Variants in MYCBPAP observed in about 807,000 individuals in gnomAD.
The protein encoded by MYCBPAP is MYCBP-associated protein.
In MYCBPAP, 60 loss-of-function variants were observed where a neutral mutation model predicts 106.1. The ratio of observed to expected loss-of-function variants is 0.57; its 90% CI spans 0.46 to 0.70. MYCBPAP has a LOEUF of 0.70. Among genes scored for constraint, MYCBPAP ranks in the 30% least tolerant of loss-of-function variants. MYCBPAP has a pLI of 0.00. For synonymous variants in MYCBPAP, 407 were observed against 440.6 expected, an observed-to-expected ratio of 0.92 and a Z score of 0.95; for missense variants, 1,064 against 1,169.3, an observed-to-expected ratio of 0.91 and a Z score of 1.31.
intron 1 of MYCBPAP, chr17:50,510,318 G>A (rs1478235483): frequency 6.6e-6 from 1 of 151,646 alleles, no homozygotes; most frequent in Non-Finnish European, 1.5e-5. Flanking sequence ...TCCAGGCCAG[G>A]AGTTTATGAT....
intron 10 of MYCBPAP, 181 bp downstream of exon 10, chr17:50,522,262 T>A: frequency 3.8e-6 from 2 of 529,360 alleles, no homozygotes; most frequent in Non-Finnish European, 6.9e-6. Context: ...ATCACAAGGC[T>A]GCGAGTGTCA....
At position 50,523,689 on chromosome 17, in the gene MYCBPAP, C is replaced by A; in HGVS notation, c.1540C>A (p.His514Asn). The change falls in exon 12 of 19, where the codon CAT (histidine) becomes AAT (asparagine). Residue 514 changes from histidine to asparagine, a missense_variant. By Grantham distance (68) the His-to-Asn change is moderately conservative. Coordinates refer to ENST00000323776, the MANE Select transcript of MYCBPAP (RefSeq NM_032133.6). ...CAGGGAATTTTGGGAGTTTCGAACCCATCCTACTCTATTAGGAGGTGCTAT... is the reference window on the plus strand; with the variant it reads ...CAGGGAATTTTGGGAGTTTCGAACCAATCCTACTCTATTAGGAGGTGCTAT... ...VFREFWEFRTHPTLLGGAILQ... is the reference protein window; with the variant it reads ...VFREFWEFRTNPTLLGGAILQ... The A allele has an allele frequency of 1.2e-6, 2 of 1,614,198 alleles. No individual in the cohort carries two copies. The highest frequency in any genetic ancestry group is 1.3e-5 in the African/African-American group (1 of 75,048).
chr17:50,523,408 C>T (rs1302125432), intron 11 of MYCBPAP, among the ~76,000 whole-genome samples, 189 bp from the exon 12 acceptor site: 1 of 152,132 alleles, frequency 6.6e-6, no homozygotes, highest in African/African-American at 2.4e-5. Context: ...GGATGGCCAG[C>T]TGTCTCTGTT....
chr17:50,512,052 T>A (rs957001043), intron 1 of MYCBPAP, among the ~76,000 whole-genome samples: 7 of 125,810 alleles, frequency 5.6e-5, no homozygotes, highest in Non-Finnish European at 1.1e-4. Context: ...CAGCAAGTTT[T>A]CTTTTTTTTT....
chr17:50,528,573 C>T (rs2034532523), intron 16 of MYCBPAP, 122 bp from the exon 17 acceptor site: 4 of 1,329,598 alleles, frequency 3.0e-6, no homozygotes, highest in Non-Finnish European at 4.1e-6. Context: ...AGCCACGCGC[C>T]TACCAGGGCT....
Position 50,523,613 on chromosome 17 carries a change from A to C in MYCBPAP, c.1464A>C (p.Gly488=). 6.2e-7 allele frequency: 1 copy of C among 1,614,212 alleles called. No homozygotes were observed. The highest frequency in any genetic ancestry group is 8.5e-7 in the Non-Finnish European group (1 of 1,180,050). ...FDNREGVILP[G]EIKTFTFFFK... is the part of the protein sequence containing the mutation. ...CCCTCTCAGGTGTGATTCTGCCTGG[A>C]GAAATTAAAACATTTACCTTCTTCT... Residue 488 remains glycine (G), a synonymous_variant, in exon 12 of 19, where the codon GGA becomes GGC. Transcript: ENST00000323776.
rs1252588175 is a variant in MYCBPAP at position 50,522,050 on chromosome 17, G to T, written c.1226G>T (p.Cys409Phe). The T allele has an allele frequency of 6.2e-7, 1 of 1,613,998 alleles. No homozygotes were observed. Among genetic ancestry groups the T allele is most frequent in the Admixed American group, 1.7e-5 (1 of 60,024 alleles). Residue 409 changes from cysteine (C) to phenylalanine (F), a missense_variant, in exon 10 of 19, where the codon TGC becomes TTC. Physicochemically the swap from Cys to Phe is radical, Grantham distance 205. Transcript: ENST00000323776. The stretch of plus-strand genomic sequence containing the variant: ...CTGCTGTTCTGTGGGAAGCCAGCTT[G>T]CTGGATCAGAGGCAGTAATCCACAG... ...PSLLFCGKPA[C>F]WIRGSNPQDK...
intron 9 of MYCBPAP, 28 bp from the exon 10 acceptor site, chr17:50,521,945 G>T (rs2034273718): frequency 1.9e-6 from 3 of 1,605,640 alleles, no homozygotes; most frequent in African/African-American, 2.7e-5. Context: ...CAGCCTAAGA[G>T]AAAATAAGTC....
At position 50,518,069 on chromosome 17, in the gene MYCBPAP, C is replaced by T. The variant is rs145852439; in HGVS notation, c.468+371C>T. Among the ~76,000 whole-genome samples, 1,262 of 152,362 alleles carry T rather than the reference C, an allele frequency of 8.3e-3. 14 individuals are homozygous for T. Among genetic ancestry groups the T allele is most frequent in the African/African-American group, 0.029 (1,197 of 41,578 alleles). The stretch of plus-strand genomic sequence containing the variant: ...TGGAGACTGGCCTGCCCTCCTCAGT[C>T]CACGTGGTGGAGGAAGGTGGCTTCC... On this transcript the variant is annotated intron_variant, in intron 4 of 18. Transcript: ENST00000323776.
At chr17:50,508,909 G>C in intron 1 of MYCBPAP, 159 bp downstream of exon 1, 1 of 763,980 alleles carries the variant, frequency 1.3e-6, no homozygotes, top group South Asian at 1.5e-5. Flanking sequence ...TTAGGGATGG[G>C]GGGCAAGGCA....
intron 1 of MYCBPAP, chr17:50,509,855 C>A (rs1360207515): frequency 6.6e-6 from 1 of 152,178 alleles, no homozygotes; most frequent in African/African-American, 2.4e-5. Context: ...GATGTAGGTG[C>A]CCATCGGGCT....
intron 1 of MYCBPAP, chr17:50,509,151 T>A (rs2033729461): frequency 1.4e-6 from 1 of 702,604 alleles, no homozygotes; most frequent in South Asian, 1.5e-5. Context: ...GAGGAAAGAA[T>A]GAAGTGTTGA....
At chr17:50,526,324 A>G in intron 14 of MYCBPAP, 57 bp downstream of exon 14, 1 of 1,510,864 alleles carries the variant, frequency 6.6e-7, no homozygotes, top group Non-Finnish European at 8.8e-7. Context: ...CGAACCAACA[A>G]GGGAGGACCC....
In MYCBPAP at chr17:50,524,934, C is replaced by G. The variant is rs376497023; in HGVS notation, c.1693C>G (p.Leu565Val). 1.9e-4 allele frequency: 308 copies of G among 1,613,946 alleles called. No homozygotes were observed. The highest frequency in any genetic ancestry group is 2.4e-4 in the Non-Finnish European group (286 of 1,180,036). Residue 565 changes from leucine to valine, a missense_variant, in exon 13 of 19, where the codon CTG becomes GTG. Coordinates refer to ENST00000323776, the MANE Select transcript of MYCBPAP (RefSeq NM_032133.6). ...CGTTCGCGAAGTGCTGCAGGAGCTG[C>G]TGATGGGGGTCTTGACCCCGGAGCG... ...TVVREVLQEL[L>V]MGVLTPERTP...
chr17:50,529,764 G>C (rs750208131), intron 18 of MYCBPAP: 2 of 456,714 alleles, frequency 4.4e-6, no homozygotes, highest in South Asian at 1.5e-5. Context: ...CTCCCCGTTA[G>C]GTGCATCCTG....
At chr17:50,529,347 G>C (rs919700298) in intron 18 of MYCBPAP, 159 bp downstream of exon 18, 16 of 665,268 alleles carry the variant, frequency 2.4e-5, no homozygotes, top group Middle Eastern at 4.1e-4. Flanking sequence ...AATAAGGAAT[G>C]CGCCTAGCAT....
At position 50,516,558 on chromosome 17, in the gene MYCBPAP, GCTT is replaced by G. The variant is rs764199615; in HGVS notation, c.77-9_77-7del. 2.7e-5 allele frequency: 43 copies of G among 1,612,372 alleles called. No homozygotes were observed. Among genetic ancestry groups the G allele is most frequent in the Non-Finnish European group, 3.5e-5 (41 of 1,179,590 alleles). On this transcript the variant is annotated splice_polypyrimidine_tract_variant and intron_variant, in intron 1 of 18. Transcript: ENST00000323776. ...CTCTTTAAGGACTTAATAACTTTCT[GCTT>G]CTCTTCAGAAAAGAAGCGGGCAAAG...
At chr17:50,508,307 A>C, upstream of MYCBPAP, 12 of 411,470 alleles carry the variant, frequency 2.9e-5, no homozygotes, top group East Asian at 1.4e-4. Flanking sequence ...CCTACCAGCC[A>C]GCCACTCCCA....
At position 50,519,673 on chromosome 17, in the gene MYCBPAP, G is replaced by A; in HGVS notation, c.802G>A (p.Glu268Lys). ...GAACAGTGGGTTCTGGAGTCGACTG[G>A]AATACTTGGGAGATGAGATGACAGG... ...WENSGFWSRLEYLGDEMTGLV... is the reference protein window; with the variant it reads ...WENSGFWSRLKYLGDEMTGLV... Residue 268 changes from glutamate to lysine, a missense_variant, in exon 7 of 19, where the codon GAA becomes AAA. Transcript: ENST00000323776. 3.1e-6 allele frequency: 5 copies of A among 1,614,088 alleles called. No individual in the cohort carries two copies. The highest frequency in any genetic ancestry group is 4.2e-6 in the Non-Finnish European group (5 of 1,180,020).
Sources: gnomAD v4.1 joint callset for allele counts (sites outside exome capture counted in the v4.1 genomes callset) on GRCh38, gnomAD v4.1.1 for gene constraint, MANE v1.5 for transcripts, NCBI Gene and HGNC (gene_info 2026-07-23, HGNC 2026-07-21) for gene names.